CFDP1: variants seen among roughly 807,000 people sequenced by gnomAD.
CFDP1 encodes the protein chromatin remodeling protein CFDP1.
In CFDP1, 31 loss-of-function variants were observed where a neutral mutation model predicts 40.1. The observed-to-expected ratio is 0.77, with a 90% confidence interval of 0.58 to 1.04. The LOEUF is 1.04. Ranked by LOEUF, CFDP1 falls within the 50% of genes least tolerant of loss-of-function variation. CFDP1 has a pLI of 0.00. For synonymous variants in CFDP1, 167 were observed against 120.0 expected (o/e 1.39, Z -2.56); for missense variants, 423 against 343.4 (o/e 1.23, Z -1.83).
intron 5 of CFDP1, among the ~76,000 whole-genome samples, chr16:75,367,251 C>G (rs1304581201): frequency 3.3e-5 from 5 of 150,894 alleles, no homozygotes; most frequent in Non-Finnish European, 5.9e-5. Flanking sequence ...AAATCCCCAC[C>G]ACCACCCAAA....
chr16:75,366,897 C>A (rs1485405880), intron 5 of CFDP1, among the ~76,000 whole-genome samples: 2 of 152,156 alleles, frequency 1.3e-5, no homozygotes, highest in Admixed American at 1.3e-4. Flanking sequence ...GGTGTGGTGG[C>A]TCACACCTGT....
chr16:75,309,200 G>A (rs2078277362), intron 5 of CFDP1, among the ~76,000 whole-genome samples: 1 of 152,162 alleles, frequency 6.6e-6, no homozygotes, highest in African/African-American at 2.4e-5. Flanking sequence ...CCCACCCTGA[G>A]AGGGGTTTCA....
chr16:75,421,300 T>A (rs2079277312), intron 1 of CFDP1, among the ~76,000 whole-genome samples: 1 of 152,178 alleles, frequency 6.6e-6, no homozygotes, highest in Non-Finnish European at 1.5e-5. Flanking sequence ...AGCTTCAAAT[T>A]GTCTGTGAGC....
rs1246667034 is a variant in CFDP1 at position 75,421,356 on chromosome 16, C to T, written c.65-6661G>A. Among the ~76,000 whole-genome samples the T allele has an allele frequency of 2.0e-5, 3 of 152,100 alleles. No homozygotes were observed. In the East Asian group the frequency reaches 5.8e-4, roughly 29 times the overall value. On this transcript the variant is annotated intron_variant, in intron 1 of 6. Coordinates refer to ENST00000283882, the MANE Select transcript of CFDP1 (RefSeq NM_006324.3). ...GACAAGGACTCCATCTTTAGCTAAA[C>T]TATGGAAAAGTCCTTCATCAGTAAG... is the stretch of plus-strand genomic sequence containing the variant.
intron 5 of CFDP1, among the ~76,000 whole-genome samples, chr16:75,332,667 C>G (rs1426191485): frequency 6.6e-6 from 1 of 150,650 alleles, no homozygotes; most frequent in African/African-American, 2.4e-5. Flanking sequence ...AAAACCCTGT[C>G]TTGGGGAAGG....
intron 5 of CFDP1, among the ~76,000 whole-genome samples, chr16:75,361,509 C>T (rs1430925463): frequency 1.3e-5 from 2 of 151,954 alleles, no homozygotes; most frequent in African/African-American, 4.8e-5. Context: ...CCCAGCTACT[C>T]AGGAGGCTGA....
chr16:75,346,629 A>C, intron 5 of CFDP1, among the ~76,000 whole-genome samples: 1 of 148,152 alleles, frequency 6.7e-6, no homozygotes, highest in Non-Finnish European at 1.5e-5. Context: ...TACCAGGTGG[A>C]CAGGATGAAG....
At chr16:75,409,350 A>C (rs1323829007) in intron 4 of CFDP1, 2 of 152,206 alleles carry the variant, frequency 1.3e-5, no homozygotes, top group Admixed American at 1.3e-4. Flanking sequence ...ATAGAGGTTA[A>C]AAGGCCCACA....
chr16:75,313,974 G>A (rs765839727), intron 5 of CFDP1, among the ~76,000 whole-genome samples: 4 of 151,942 alleles, frequency 2.6e-5, no homozygotes, highest in African/African-American at 4.8e-5. Context: ...AACCTCCGCC[G>A]CCGGGGTTCA....
At chr16:75,356,974 C>T (rs1034214248) in intron 5 of CFDP1, among the ~76,000 whole-genome samples, 1 of 136,734 alleles carries the variant, frequency 7.3e-6, no homozygotes, top group African/African-American at 2.8e-5. Context: ...AATGCAGTGG[C>T]GTGATCTTGA....
rs140577905 is a variant in CFDP1, at chr16:75,340,141, G to C, written c.651-34959C>G. Reference sequence around the variant, plus strand: ...GTAACGCCAGCCTTATGATTGTCATGAATCAATTCATCGCAATCTAATCGA... The same window carrying C: ...GTAACGCCAGCCTTATGATTGTCATCAATCAATTCATCGCAATCTAATCGA... On this transcript the variant is annotated intron_variant, in intron 5 of 6. Coordinates refer to ENST00000283882, the MANE Select transcript of CFDP1 (RefSeq NM_006324.3). Among the ~76,000 whole-genome samples the C allele has an allele frequency of 6.5e-3, 986 of 152,320 alleles. 8 individuals are homozygous for C. The highest frequency in any genetic ancestry group is 0.017 in the Middle Eastern group (5 of 294).
intron 5 of CFDP1, among the ~76,000 whole-genome samples, chr16:75,349,536 C>G (rs2078593578): frequency 6.8e-6 from 1 of 146,416 alleles, no homozygotes; most frequent in Admixed American, 6.9e-5. Context: ...AAATATAGTT[C>G]CTAGCACTTT....
chr16:75,319,752 T>C (rs1332977106), intron 5 of CFDP1, among the ~76,000 whole-genome samples: 1 of 152,158 alleles, frequency 6.6e-6, no homozygotes, highest in Non-Finnish European at 1.5e-5. Flanking sequence ...GTTCCCCCTG[T>C]GGTGCCACCC....
intron 5 of CFDP1, among the ~76,000 whole-genome samples, chr16:75,385,280 G>A: frequency 6.6e-6 from 1 of 151,968 alleles, no homozygotes; most frequent in East Asian, 1.9e-4. Flanking sequence ...CATAGCACAG[G>A]GAAGGATCTG....
At chr16:75,328,402 T>G in intron 5 of CFDP1, among the ~76,000 whole-genome samples, 1 of 147,588 alleles carries the variant, frequency 6.8e-6, no homozygotes. Context: ...CTGGCCAACA[T>G]GGTGAAACCC....
chr16:75,422,403 T>A (rs1253854562), intron 1 of CFDP1, among the ~76,000 whole-genome samples: 1 of 148,980 alleles, frequency 6.7e-6, no homozygotes, highest in Non-Finnish European at 1.5e-5. Context: ...CCTCTTTTTT[T>A]TTTTTTTTTT....
At chr16:75,335,580 G>A (rs1310938369) in intron 5 of CFDP1, among the ~76,000 whole-genome samples, 1 of 137,918 alleles carries the variant, frequency 7.3e-6, no homozygotes, top group Non-Finnish European at 1.5e-5. Flanking sequence ...TTTTTTAGAC[G>A]GAGTCTTGCT....
At chr16:75,388,850 T>A (rs2078922438) in intron 5 of CFDP1, among the ~76,000 whole-genome samples, 1 of 152,288 alleles carries the variant, frequency 6.6e-6, no homozygotes, top group African/African-American at 2.4e-5. Context: ...ATTCTGTGTC[T>A]TCTATCTTTG....
At chr16:75,324,813 C>G (rs1028589860) in intron 5 of CFDP1, 2 of 150,048 alleles carry the variant, frequency 1.3e-5, no homozygotes, top group African/African-American at 2.4e-5. Context: ...GTTGCTTGTT[C>G]TTTTTTCGAG....
Sources: allele counts gnomAD v4.1 joint callset (sites outside exome capture counted in the v4.1 genomes callset), GRCh38; gene constraint gnomAD v4.1.1; transcripts MANE v1.5; gene names NCBI Gene and HGNC (gene_info 2026-07-23, HGNC 2026-07-21).